FAM193A: variants seen among roughly 807,000 people sequenced by gnomAD.
The protein encoded by FAM193A is family with sequence similarity 193 member A.
A neutral mutation model predicts 126.5 loss-of-function variants in FAM193A; 22 were observed. The observed-to-expected ratio is 0.17, with a 90% CI of 0.12 to 0.25. The LOEUF (loss-of-function observed/expected upper bound fraction) is 0.25, where lower values mean the gene tolerates loss of function less well. Among genes scored for constraint, FAM193A ranks in the 10% least tolerant of loss-of-function variants. The probability of loss-of-function intolerance (pLI) is 1.00; values close to 1 mark genes in which losing one functional copy is unlikely to be tolerated. For missense variants in FAM193A, 1,675 were observed against 1,672.8 expected (o/e 1.00, Z -0.02); for synonymous variants, 761 against 646.8 (o/e 1.18, Z -2.68).
intron 13 of FAM193A, among the ~76,000 whole-genome samples, chr4:2,673,336 G>T (rs1158963573): frequency 1.3e-5 from 2 of 152,152 alleles, no homozygotes; most frequent in Non-Finnish European, 2.9e-5. Context: ...CCAAACACAT[G>T]TGTGTTTTCT....
intron 13 of FAM193A, among the ~76,000 whole-genome samples, chr4:2,677,995 GTGTTTGTT>G (rs111313625): frequency 2.8e-3 from 426 of 151,864 alleles, no homozygotes; most frequent in African/African-American, 7.8e-3. Flanking sequence ...TTTGTAGTGT[GTGTTTGTT>G]TGTTTGTTTG....
chr4:2,694,762 C>T (rs561422265), intron 16 of FAM193A, among the ~76,000 whole-genome samples, 184 bp from the exon 17 acceptor site: 2 of 152,256 alleles, frequency 1.3e-5, no homozygotes, highest in South Asian at 4.1e-4. Flanking sequence ...TGCGCACACG[C>T]CATGTCTCCC....
intron 19 of FAM193A, among the ~76,000 whole-genome samples, chr4:2,710,906 C>T (rs1436633120): frequency 1.4e-5 from 2 of 143,064 alleles, no homozygotes; most frequent in African/African-American, 2.6e-5. Context: ...GGCTGGAGTG[C>T]AGTGGTGTGA....
At position 2,596,219 on chromosome 4, in the gene FAM193A, T is replaced by G; in HGVS notation, c.391T>G (p.Ser131Ala). 1.4e-6 allele frequency: 1 copy of G among 703,012 alleles called. No homozygotes were observed. Among genetic ancestry groups the G allele is most frequent in the Middle Eastern group, 2.3e-4 (1 of 4,368 alleles). 43.5% of individuals were successfully genotyped at this position (703,012 alleles called of 1,614,324 possible). ...TAAGACTGCGAGCAAATTGGCCCTT[T>G]CCATGGCTCCCAAGGGCAACAGCGT... ...GIKTASKLAL[S>A]MAPKGNSVLH... Residue 131 changes from serine (S) to alanine (A), a missense_variant, in exon 2 of 21, where the codon TCC becomes GCC. Ser to Ala is a moderately conservative substitution (Grantham distance 99). This residue lies in a region of FAM193A where 1,186 missense variants were observed against 1,109.2 expected (regional missense o/e 1.07). Coordinates refer to ENST00000637812, the MANE Select transcript of FAM193A (RefSeq NM_001366318.2).
intron 7 of FAM193A, chr4:2,655,245 A>G: frequency 2.1e-6 from 1 of 478,002 alleles, no homozygotes; most frequent in Non-Finnish European, 3.8e-6. Context: ...TAAAAAATAA[A>G]ACAGGAAGAT....
chr4:2,683,789 G>A (rs1296927841), intron 13 of FAM193A, among the ~76,000 whole-genome samples: 1 of 152,176 alleles, frequency 6.6e-6, no homozygotes, highest in Non-Finnish European at 1.5e-5. Context: ...CTTACCAGGT[G>A]TTATATCTTT....
chr4:2,594,721 C>T (rs1021584704), intron 1 of FAM193A, among the ~76,000 whole-genome samples: 1 of 151,922 alleles, frequency 6.6e-6, no homozygotes, highest in Non-Finnish European at 1.5e-5. Flanking sequence ...GGTTAAAAAT[C>T]CTGTGTCTCC....
chr4:2,613,895 T>G (rs1373286458), intron 2 of FAM193A, among the ~76,000 whole-genome samples: 1 of 151,568 alleles, frequency 6.6e-6, no homozygotes, highest in Non-Finnish European at 1.5e-5. Context: ...GCCTCTCAGC[T>G]TCCCGAGTAG....
chr4:2,709,156 A>G (rs1472104050), intron 19 of FAM193A, among the ~76,000 whole-genome samples: 1 of 152,152 alleles, frequency 6.6e-6, no homozygotes, highest in Non-Finnish European at 1.5e-5. Context: ...GCATCTGTGG[A>G]GATAACCATG....
intron 1 of FAM193A, among the ~76,000 whole-genome samples, chr4:2,557,369 A>G (rs894911811): frequency 6.6e-6 from 1 of 152,182 alleles, no homozygotes; most frequent in Non-Finnish European, 1.5e-5. Flanking sequence ...TCTCCCTAAT[A>G]TGGATATTCT....
At position 2,556,372 on chromosome 4, in the gene FAM193A, A is replaced by G. The variant is rs1738261323; in HGVS notation, c.255+19202A>G. On this transcript the variant is annotated intron_variant, in intron 1 of 20. Transcript: ENST00000637812. ...AGGTACGCACCACCAAACCTGGCTAATTTTTTGTATTTTAGTAGAGATGGG... is the reference window on the plus strand; with the variant it reads ...AGGTACGCACCACCAAACCTGGCTAGTTTTTTGTATTTTAGTAGAGATGGG... Among the ~76,000 whole-genome samples the G allele has an allele frequency of 2.0e-5, 3 of 151,128 alleles. No homozygotes were observed. In the Admixed American group the frequency reaches 2.0e-4, roughly 10 times the overall value.
At chr4:2,591,079 G>T (rs79120925) in intron 1 of FAM193A, among the ~76,000 whole-genome samples, 2 of 151,730 alleles carry the variant, frequency 1.3e-5, no homozygotes, top group Admixed American at 1.3e-4. Flanking sequence ...AATTAGCTGC[G>T]TGTGACACGT....
At chr4:2,645,972 G>A (rs891566246) in intron 6 of FAM193A, among the ~76,000 whole-genome samples, 4 of 151,964 alleles carry the variant, frequency 2.6e-5, no homozygotes, top group African/African-American at 9.7e-5. Flanking sequence ...TGAGCCAGTT[G>A]TATTTTCAAG....
At chr4:2,704,034 G>A (rs369779495) in intron 19 of FAM193A, among the ~76,000 whole-genome samples, 5 of 150,880 alleles carry the variant, frequency 3.3e-5, no homozygotes, top group East Asian at 2.0e-4. Flanking sequence ...TTGGGAGGCC[G>A]AGGGAGGCGG....
At chr4:2,588,239 A>T (rs970234521) in intron 1 of FAM193A, among the ~76,000 whole-genome samples, 2 of 152,176 alleles carry the variant, frequency 1.3e-5, no homozygotes, top group Admixed American at 1.3e-4. Context: ...TTCCATCATT[A>T]GGCTCAGGGA....
chr4:2,548,323 G>A (rs1737697496), intron 1 of FAM193A, among the ~76,000 whole-genome samples: 1 of 151,368 alleles, frequency 6.6e-6, no homozygotes, highest in East Asian at 1.9e-4. Context: ...CGCCCGCCTC[G>A]GCCTCCCAAA....
At chr4:2,592,296 G>A (rs949075965) in intron 1 of FAM193A, among the ~76,000 whole-genome samples, 1 of 152,104 alleles carries the variant, frequency 6.6e-6, no homozygotes, top group African/African-American at 2.4e-5. Context: ...CACCACGTTG[G>A]CCAGGCTGGT....
At chr4:2,708,642 T>G (rs1718581266) in intron 19 of FAM193A, among the ~76,000 whole-genome samples, 1 of 152,068 alleles carries the variant, frequency 6.6e-6, no homozygotes, top group Admixed American at 6.6e-5. Flanking sequence ...TTTGTATTTT[T>G]GGTAGAGGTG....
At chr4:2,645,951 T>C (rs1412022832) in intron 6 of FAM193A, among the ~76,000 whole-genome samples, 2 of 152,202 alleles carry the variant, frequency 1.3e-5, no homozygotes, top group Non-Finnish European at 2.9e-5. Flanking sequence ...CATTAAGTGT[T>C]TTGTTTTCTC....
Sources: allele counts gnomAD v4.1 joint callset (sites outside exome capture counted in the v4.1 genomes callset), GRCh38; gene constraint gnomAD v4.1.1; regional missense constraint gnomAD v4.1.1; transcripts MANE v1.5; gene names NCBI Gene and HGNC (gene_info 2026-07-23, HGNC 2026-07-21).